CHRM2: variants seen among roughly 807,000 people sequenced by gnomAD.
CHRM2 encodes muscarinic acetylcholine receptor M2.
Under a neutral mutation model 25.0 loss-of-function variants are expected in CHRM2, and 8 were observed. The observed-to-expected ratio is 0.32, with a 90% CI of 0.19 to 0.58. CHRM2 has a LOEUF of 0.58. CHRM2 is among the 20% of genes least tolerant of loss of function. CHRM2 has a pLI of 0.88. For synonymous variants in CHRM2, 202 were observed against 205.7 expected, an observed-to-expected ratio of 0.98 and a Z score of 0.15; for missense variants, 440 against 567.1, an observed-to-expected ratio of 0.78 and a Z score of 2.28.
rs143354575 is a variant in CHRM2 at position 136,991,760 on chromosome 7, A to G, written c.-124-427A>G. On this transcript the variant is annotated intron_variant, in intron 2 of 3. Transcript: ENST00000680005. ...TCTGATAAAATTATATGCATAATCA[A>G]TTTTCAATGATTCTGTATGATGAAA... Among the ~76,000 whole-genome samples, 5 of 152,216 alleles carry G rather than the reference A, an allele frequency of 3.3e-5. No individual in the cohort carries two copies. In the East Asian group the frequency reaches 7.7e-4, roughly 24 times the overall value.
chr7:136,882,446 CCCT>C (rs1046957974), intron 2 of CHRM2, among the ~76,000 whole-genome samples: 6 of 151,184 alleles, frequency 4.0e-5, no homozygotes, highest in African/African-American at 1.2e-4. Context: ...TCCTCCTTCC[CCCT>C]CCTTCTTCTC....
chr7:136,958,510 C>T (rs2130882342), intron 2 of CHRM2, among the ~76,000 whole-genome samples: 1 of 131,770 alleles, frequency 7.6e-6, no homozygotes, highest in South Asian at 2.3e-4. Context: ...GGCTGGAGTG[C>T]AGTGGGGCGA....
chr7:136,927,893 A>T (rs528347387), intron 2 of CHRM2, among the ~76,000 whole-genome samples: 1 of 152,294 alleles, frequency 6.6e-6, no homozygotes, highest in East Asian at 1.9e-4. Flanking sequence ...CAGACTCATG[A>T]TATGGACCCT....
intron 2 of CHRM2, among the ~76,000 whole-genome samples, chr7:136,876,777 C>T (rs551089111): frequency 6.6e-6 from 1 of 152,166 alleles, no homozygotes; most frequent in South Asian, 2.1e-4. Context: ...GCTGAGAATC[C>T]TAAATATCCT....
chr7:136,907,636 T>G (rs1797625738), intron 2 of CHRM2, among the ~76,000 whole-genome samples: 1 of 151,964 alleles, frequency 6.6e-6, no homozygotes, highest in African/African-American at 2.4e-5. Context: ...GCAGCTTATG[T>G]AATATGCTTC....
intron 2 of CHRM2, among the ~76,000 whole-genome samples, chr7:136,891,727 G>A (rs1264871884): frequency 4.6e-5 from 7 of 152,120 alleles, no homozygotes; most frequent in African/African-American, 1.7e-4. Context: ...TCTGCCTTAA[G>A]GCTTCTGCTT....
At chr7:136,942,208 C>T (rs1240274927) in intron 2 of CHRM2, among the ~76,000 whole-genome samples, 2 of 152,114 alleles carry the variant, frequency 1.3e-5, no homozygotes, top group Non-Finnish European at 2.9e-5. Context: ...GTTTTTCTTT[C>T]GTTGGGAACC....
chr7:136,946,253 T>C (rs553455195), intron 2 of CHRM2, among the ~76,000 whole-genome samples: 28 of 152,338 alleles, frequency 1.8e-4, no homozygotes, highest in African/African-American at 6.7e-4. Context: ...TCAAGGTGTT[T>C]GATGTTGGAA....
At chr7:137,009,338 T>A (rs2131102899) in intron 3 of CHRM2, among the ~76,000 whole-genome samples, 1 of 152,260 alleles carries the variant, frequency 6.6e-6, no homozygotes, top group East Asian at 1.9e-4. Flanking sequence ...TGTGAATACT[T>A]ACATGGGAAT....
At position 137,015,363 on chromosome 7, in the gene CHRM2, A is replaced by C; in HGVS notation, c.498A>C (p.Val166=). 1 of 1,613,458 alleles carries C rather than the reference A, an allele frequency of 6.2e-7. No homozygotes were observed. Among genetic ancestry groups the C allele is most frequent in the South Asian group, 1.1e-5 (1 of 91,080 alleles). Residue 166 remains valine (V), a synonymous_variant, in exon 4 of 4, where the codon GTA becomes GTC. Coordinates refer to ENST00000680005, the MANE Select transcript of CHRM2 (RefSeq NM_001006630.2). The surrounding 1 kb of genome is among the most constrained non-coding windows in gnomAD (Gnocchi z 5.1). ...CCATTCTCTTCTGGCAGTTCATTGT[A>C]GGGGTGAGAACTGTGGAGGATGGGG... The part of the protein sequence containing the change: ...APAILFWQFI[V]GVRTVEDGEC...
chr7:136,909,037 T>C (rs1045262271), intron 2 of CHRM2, among the ~76,000 whole-genome samples: 7 of 151,928 alleles, frequency 4.6e-5, no homozygotes, highest in African/African-American at 1.7e-4. Flanking sequence ...GTCTTTGCTG[T>C]GATTTTATGC....
intron 3 of CHRM2, among the ~76,000 whole-genome samples, chr7:137,011,670 G>A (rs1563125671): frequency 6.6e-6 from 1 of 151,964 alleles, no homozygotes; most frequent in African/African-American, 2.4e-5. Flanking sequence ...AGGTTTCTAG[G>A]TATTCCTTAA....
At chr7:136,888,110 T>G (rs144317497) in intron 2 of CHRM2, among the ~76,000 whole-genome samples, 161 of 152,318 alleles carry the variant, frequency 1.1e-3, no homozygotes, top group Non-Finnish European at 1.8e-3. Flanking sequence ...TTCCCATTCT[T>G]TTTGCTTCTT....
At chr7:136,889,385 A>AT (rs35848605) in intron 2 of CHRM2, among the ~76,000 whole-genome samples, 1 of 152,004 alleles carries the variant, frequency 6.6e-6, no homozygotes, top group East Asian at 1.9e-4. Flanking sequence ...CTGCTTTCAC[A>AT]TTTTTTTCAT....
chr7:136,921,235 TC>T (rs1798412129), intron 2 of CHRM2, among the ~76,000 whole-genome samples: 1 of 152,000 alleles, frequency 6.6e-6, no homozygotes. Context: ...CCTGGCACAA[TC>T]TCCTTAACTC....
intron 2 of CHRM2, among the ~76,000 whole-genome samples, chr7:136,932,787 T>C (rs1799182097): frequency 6.6e-6 from 1 of 152,174 alleles, no homozygotes. Context: ...CGCAGCACTT[T>C]GGGAGGCCGA....
intron 2 of CHRM2, among the ~76,000 whole-genome samples, chr7:136,886,285 GT>G (rs1208563632): frequency 7.9e-5 from 12 of 152,194 alleles, no homozygotes; most frequent in Non-Finnish European, 1.5e-4. Flanking sequence ...TAGTTCTCTA[GT>G]TTTATGTGAC....
chr7:136,957,143 GA>G (rs766775668), intron 2 of CHRM2, among the ~76,000 whole-genome samples: 1 of 152,210 alleles, frequency 6.6e-6, no homozygotes, highest in Admixed American at 6.5e-5. Context: ...AGTAAGTCAG[GA>G]ACTAACCTGC....
intron 2 of CHRM2, among the ~76,000 whole-genome samples, chr7:136,986,115 T>C (rs1247890869): frequency 6.6e-6 from 1 of 152,152 alleles, no homozygotes; most frequent in Non-Finnish European, 1.5e-5. Flanking sequence ...AATCAGCTGA[T>C]TTATGACTCA....
Sources: allele counts gnomAD v4.1 joint callset (sites outside exome capture counted in the v4.1 genomes callset), GRCh38; gene constraint gnomAD v4.1.1; non-coding constraint Gnocchi (gnomAD v3.1); transcripts MANE v1.5; gene names NCBI Gene and HGNC (gene_info 2026-07-23, HGNC 2026-07-21).